The following HERC1 variants were observed in gnomAD, a reference collection of about 807,000 sequenced individuals.
HERC1 encodes the protein probable E3 ubiquitin-protein ligase HERC1.
HERC1 carries 160 observed loss-of-function variants against 554.3 expected under a neutral mutation model. The observed-to-expected ratio is 0.29, with a 90% CI of 0.25 to 0.33. The LOEUF is 0.33. Ranked by LOEUF, HERC1 falls within the 10% of genes least tolerant of loss-of-function variation. HERC1 has a pLI of 1.00. For missense variants in HERC1, 4,919 were observed against 5,918.5 expected (o/e 0.83, Z 5.54); for synonymous variants, 2,175 against 2,131.7 (o/e 1.02, Z -0.56).
Position 63,666,054 on chromosome 15 carries a change from C to T in HERC1, c.8420G>A (p.Gly2807Asp). 4 of 1,614,030 alleles carry T rather than the reference C, an allele frequency of 2.5e-6. No homozygotes were observed. Among genetic ancestry groups the T allele is most frequent in the Non-Finnish European group, 3.4e-6 (4 of 1,179,890 alleles). ...TCCAGGCCTAGAGTCTGCTGTGCTG[C>T]CCGACTGGGGCTCCTCTTCATCCTC... ...GHEDEEEPQSGSTADSRPGAA... is the reference protein window; with the variant it reads ...GHEDEEEPQSDSTADSRPGAA... The change falls in exon 42 of 78, where the codon GGC (glycine) becomes GAC (aspartate). Residue 2807 changes from glycine to aspartate, a missense_variant. Physicochemically the swap from Gly to Asp is moderately conservative, Grantham distance 94. Around this residue, in one of 11 missense-constraint regions of HERC1, gnomAD observed 1,963 missense variants for 2,228.6 expected, o/e 0.88. Transcript: ENST00000443617.
intron 1 of HERC1, among the ~76,000 whole-genome samples, chr15:63,820,048 T>C (rs1484101199): frequency 1.3e-5 from 2 of 152,224 alleles, no homozygotes; most frequent in African/African-American, 4.8e-5. Context: ...ATTAGCTAGA[T>C]TTAGTCATTC....
chr15:63,723,939 C>G (rs1028021297), intron 18 of HERC1, among the ~76,000 whole-genome samples: 1 of 152,070 alleles, frequency 6.6e-6, no homozygotes, highest in Non-Finnish European at 1.5e-5. Context: ...TCAAACAAAA[C>G]CATGTTCTAA....
Position 63,833,846 on chromosome 15 carries a change from G to T in HERC1, c.-46C>A, listed in dbSNP as rs930537837. ...CCGTACGTGGCTCTGGAGCTGGCGG[G>T]GTGGGGCGCGGCTCCGGCGACCCGA... On this transcript the variant is annotated 5_prime_UTR_variant, in exon 1 of 78. Coordinates refer to ENST00000443617, the MANE Select transcript of HERC1 (RefSeq NM_003922.4). The T allele has an allele frequency of 6.5e-6, 1 of 153,100 alleles. No homozygotes were observed. The highest frequency in any genetic ancestry group is 1.5e-5 in the Non-Finnish European group (1 of 68,548). 9.5% of individuals were successfully genotyped at this position (153,100 alleles called of 1,614,324 possible).
chr15:63,757,314 G>C (rs1177687581), intron 4 of HERC1, among the ~76,000 whole-genome samples: 1 of 140,548 alleles, frequency 7.1e-6, no homozygotes, highest in African/African-American at 2.7e-5. Flanking sequence ...ACCTGGGCTA[G>C]AGTGCAGTGG....
chr15:63,632,992 T>G (rs2068627918), intron 67 of HERC1, among the ~76,000 whole-genome samples, 181 bp from the exon 68 acceptor site: 1 of 152,224 alleles, frequency 6.6e-6, no homozygotes, highest in African/African-American at 2.4e-5. Context: ...CTAACTGAAT[T>G]TCAGGGAGGG....
At chr15:63,657,632 T>C (rs1019789132) in intron 48 of HERC1, among the ~76,000 whole-genome samples, 1 of 152,220 alleles carries the variant, frequency 6.6e-6, no homozygotes, top group Non-Finnish European at 1.5e-5. Context: ...TTCTATTTTA[T>C]TGTATTCCAA....
intron 25 of HERC1, among the ~76,000 whole-genome samples, chr15:63,702,594 A>G (rs532768529): frequency 2.0e-5 from 3 of 152,354 alleles, no homozygotes; most frequent in African/African-American, 7.2e-5. Context: ...CAAATCTTTT[A>G]AGTTTTATCA....
At chr15:63,799,168 C>T (rs2076901661) in intron 1 of HERC1, among the ~76,000 whole-genome samples, 1 of 152,146 alleles carries the variant, frequency 6.6e-6, no homozygotes, top group Non-Finnish European at 1.5e-5. Flanking sequence ...CTGCCTATCT[C>T]TTTCCTCAGT....
chr15:63,738,189 G>GA (rs2074630012), intron 12 of HERC1, among the ~76,000 whole-genome samples: 2 of 151,910 alleles, frequency 1.3e-5, no homozygotes, highest in South Asian at 2.1e-4. Context: ...ATCCCATCCT[G>GA]AAAAAAATGA....
intron 14 of HERC1, 102 bp from the exon 15 acceptor site, chr15:63,729,751 G>A (rs891358157): frequency 9.3e-5 from 105 of 1,127,714 alleles, no homozygotes; most frequent in African/African-American, 2.0e-4. Flanking sequence ...GGCTGGGTGC[G>A]GTGACTCACA....
Position 63,612,333 on chromosome 15 carries a change from A to G in HERC1, c.14318T>C (p.Met4773Thr), listed in dbSNP as rs1291006907. 1 of 1,614,038 alleles carries G rather than the reference A, an allele frequency of 6.2e-7. No individual in the cohort carries two copies. Among genetic ancestry groups the G allele is most frequent in the Non-Finnish European group, 8.5e-7 (1 of 1,179,878 alleles). Residue 4773 changes from methionine to threonine, a missense_variant, in exon 77 of 78, where the codon ATG becomes ACG. Physicochemically the swap from Met to Thr is moderately conservative, Grantham distance 81 (BLOSUM62 -1). Coordinates refer to ENST00000443617, the MANE Select transcript of HERC1 (RefSeq NM_003922.4). The surrounding 1 kb of genome is among the most constrained non-coding windows in gnomAD (Gnocchi z 5.0). ...TCGAGATCTTCCTGACACAAACCTC[A>G]TGAAAAGCACCCGCTCCTCATTGGA... ...EFSNEERVLF[M>T]RFVSGRSRLP...
Position 63,661,882 on chromosome 15 carries a change from T to C in HERC1, c.9041A>G (p.Asn3014Ser), listed in dbSNP as rs756890803. 5.6e-6 allele frequency: 9 copies of C among 1,614,010 alleles called. No individual in the cohort carries two copies. The highest frequency in any genetic ancestry group is 2.2e-5 in the East Asian group (1 of 44,884). ...AAACCAGCCATCCACATAGGAACCA[T>C]TGCTGCGATAGCCCTGGCGGTTTGC... is the stretch of plus-strand genomic sequence containing the variant. The part of the protein sequence containing the change: ...RSANRQGYRS[N>S]GSYVDGWFGG... Residue 3014 changes from asparagine to serine, a missense_variant, in exon 45 of 78, where the codon AAT becomes AGT. By Grantham distance (46) the Asn-to-Ser change is conservative. Transcript: ENST00000443617.
intron 1 of HERC1, among the ~76,000 whole-genome samples, chr15:63,824,195 T>C (rs1252759623): frequency 6.6e-6 from 1 of 152,150 alleles, no homozygotes. Flanking sequence ...GGTGGAAATG[T>C]AAATTGGAAC....
Position 63,756,963 on chromosome 15 carries a change from G to T in HERC1, c.1222-215C>A, listed in dbSNP as rs1265222805. ...CTGAGTTCAAATTCTTCATGTATAT[G>T]TTATCTTTCCAGGTTATTGTCCAGG... On this transcript the variant is annotated intron_variant, in intron 4 of 77. Coordinates refer to ENST00000443617, the MANE Select transcript of HERC1 (RefSeq NM_003922.4). The surrounding 1 kb of genome is among the most constrained non-coding windows in gnomAD (Gnocchi z 5.0). Among the ~76,000 whole-genome samples the T allele has an allele frequency of 6.6e-6, 1 of 152,130 alleles. No homozygotes were observed. Among genetic ancestry groups the T allele is most frequent in the South Asian group, 2.1e-4 (1 of 4,830 alleles).
At chr15:63,652,893 G>T (rs1458566327) in intron 51 of HERC1, among the ~76,000 whole-genome samples, 1 of 152,008 alleles carries the variant, frequency 6.6e-6, no homozygotes, top group Non-Finnish European at 1.5e-5. Flanking sequence ...CAAGTGATCC[G>T]CCCACCTCAG....
chr15:63,733,089 G>A lies in HERC1; in HGVS notation c.2703C>T (p.Ser901=). The A allele has an allele frequency of 6.2e-7, 1 of 1,613,878 alleles. No individual in the cohort carries two copies. Among genetic ancestry groups the A allele is most frequent in the Non-Finnish European group, 8.5e-7 (1 of 1,179,810 alleles). The part of the protein sequence containing the change: ...TSLQDHTHVA[S]LLGYSSPSDA... The stretch of plus-strand genomic sequence containing the variant: ...CAGAGGGTGAACTATAGCCAAGTAG[G>A]GAGGCTACGTGGGTATGATCTTGCA... The change falls in exon 14 of 78, where the codon TCC becomes TCT. Residue 901 remains serine, a synonymous_variant. Transcript: ENST00000443617.
In HERC1 at chr15:63,632,849, GA is replaced by G. The variant is rs753920870; in HGVS notation, c.12694-39del. ...AGTGTAAGGCACACAACTTTAAGAA[GA>G]AAAAAAATCACTCTTGAATTTGCCT... On this transcript the variant is annotated intron_variant, in intron 67 of 77. Transcript: ENST00000443617. 3.0e-5 allele frequency: 42 copies of G among 1,385,424 alleles called. No individual in the cohort carries two copies. The South Asian group carries it at 3.8e-4, about 12-fold the overall frequency. 85.8% of individuals were successfully genotyped at this position (1,385,424 alleles called of 1,614,324 possible).
At chr15:63,737,786 G>C (rs960519990) in intron 12 of HERC1, among the ~76,000 whole-genome samples, 1 of 151,728 alleles carries the variant, frequency 6.6e-6, no homozygotes, top group Non-Finnish European at 1.5e-5. Flanking sequence ...ATAGCATCTA[G>C]AGAGAAAAAC....
chr15:63,691,338 C>A (rs187581238), intron 31 of HERC1, among the ~76,000 whole-genome samples: 1 of 151,554 alleles, frequency 6.6e-6, no homozygotes, highest in African/African-American at 2.4e-5. Flanking sequence ...TGGTGGTGCA[C>A]GCCTGTGATC....
Sources: allele counts gnomAD v4.1 joint callset (sites outside exome capture counted in the v4.1 genomes callset), GRCh38; gene constraint gnomAD v4.1.1; regional missense constraint gnomAD v4.1.1; non-coding constraint Gnocchi (gnomAD v3.1); transcripts MANE v1.5; gene names NCBI Gene and HGNC (gene_info 2026-07-23, HGNC 2026-07-21).